CDON: variants seen among roughly 807,000 people sequenced by gnomAD.
CDON encodes cell adhesion molecule-related/down-regulated by oncogenes.
CDON carries 73 observed loss-of-function variants against 120.9 expected under a neutral mutation model. That is an observed-to-expected ratio of 0.60 (90% CI 0.50 to 0.73). The LOEUF (loss-of-function observed/expected upper bound fraction) is 0.73, where lower values mean the gene tolerates loss of function less well. Among genes scored for constraint, CDON ranks in the 30% least tolerant of loss-of-function variants. The pLI, the probability that CDON is intolerant of heterozygous loss-of-function variation, is 0.00. For missense variants in CDON, 1,470 were observed against 1,587.3 expected (o/e 0.93, Z 1.26); for synonymous variants, 566 against 573.5 (o/e 0.99, Z 0.19).
chr11:126,000,289 C>T (rs1403708839), intron 11 of CDON, among the ~76,000 whole-genome samples: 2 of 152,148 alleles, frequency 1.3e-5, no homozygotes, highest in Admixed American at 6.5e-5. Context: ...CTCACTGCAG[C>T]CTCAAATTCC....
intron 1 of CDON, among the ~76,000 whole-genome samples, chr11:126,043,921 T>C (rs1336249283): frequency 1.3e-5 from 2 of 152,236 alleles, no homozygotes; most frequent in African/African-American, 2.4e-5. Flanking sequence ...ATGGTGATAA[T>C]TTGATCCAGC....
intron 1 of CDON, among the ~76,000 whole-genome samples, chr11:126,027,948 TTC>T (rs1947837904): frequency 6.6e-6 from 1 of 150,582 alleles, no homozygotes; most frequent in Non-Finnish European, 1.5e-5. Context: ...TAGAATAGAA[TTC>T]TGACTTAAAT....
intron 1 of CDON, among the ~76,000 whole-genome samples, chr11:126,040,703 T>C (rs1948233651): frequency 6.7e-6 from 1 of 148,586 alleles, no homozygotes; most frequent in Admixed American, 6.8e-5. Context: ...TAGTCCCAGC[T>C]ACTTGGGAGG....
intron 10 of CDON, 75 bp downstream of exon 10, chr11:126,003,827 A>C: frequency 7.1e-7 from 1 of 1,406,120 alleles, no homozygotes; most frequent in Non-Finnish European, 1.0e-6. Context: ...CTCAAAAAAA[A>C]TAAATTAATA....
intron 7 of CDON, among the ~76,000 whole-genome samples, chr11:126,011,416 T>C (rs1309011383): frequency 6.6e-6 from 1 of 152,232 alleles, no homozygotes; most frequent in Non-Finnish European, 1.5e-5. Context: ...GATTTCTGGA[T>C]TTTTGCCAAG....
At chr11:126,018,307 C>G in intron 5 of CDON, 23 bp downstream of exon 5, 1 of 1,610,390 alleles carries the variant, frequency 6.2e-7, no homozygotes, top group Non-Finnish European at 8.5e-7. Context: ...CTTCCAGTTA[C>G]CATTATTCTC....
intron 15 of CDON, among the ~76,000 whole-genome samples, chr11:125,984,523 C>A (rs1203380137): frequency 1.3e-5 from 2 of 152,076 alleles, no homozygotes; most frequent in Non-Finnish European, 2.9e-5. Flanking sequence ...ACAGGGAAAC[C>A]CCGTGTCTAC....
chr11:125,985,557 A>T (rs990920452), intron 15 of CDON, among the ~76,000 whole-genome samples: 2 of 152,230 alleles, frequency 1.3e-5, no homozygotes, highest in Non-Finnish European at 2.9e-5. Flanking sequence ...AAATGAGTTA[A>T]GCCATGGAAA....
chr11:125,985,793 G>A (rs982053368), intron 15 of CDON, among the ~76,000 whole-genome samples: 8 of 151,750 alleles, frequency 5.3e-5, no homozygotes, highest in Non-Finnish European at 8.8e-5. Flanking sequence ...TTAGAATGGC[G>A]ATCATTAAAA....
chr11:126,046,610 G>GC (rs1207883082), intron 1 of CDON, among the ~76,000 whole-genome samples: 6 of 152,120 alleles, frequency 3.9e-5, no homozygotes, highest in African/African-American at 1.4e-4. Flanking sequence ...GGCGACGGTG[G>GC]CCCCCCTTGT....
chr11:125,972,777 A>G (rs543264890), intron 18 of CDON, among the ~76,000 whole-genome samples: 4 of 152,326 alleles, frequency 2.6e-5, no homozygotes, highest in East Asian at 3.9e-4. Context: ...GGCACAGAGC[A>G]GGTAAGAGTC....
chr11:125,982,839 T>C (rs1379961410), intron 16 of CDON, among the ~76,000 whole-genome samples: 1 of 152,128 alleles, frequency 6.6e-6, no homozygotes, highest in Non-Finnish European at 1.5e-5. Flanking sequence ...GAAAATCAAA[T>C]GATCACCATC....
intron 9 of CDON, 123 bp from the exon 10 acceptor site, chr11:126,004,199 C>T: frequency 1.1e-6 from 1 of 946,390 alleles, no homozygotes; most frequent in East Asian, 2.6e-5. Context: ...AGTAATACAG[C>T]ATGGTAAGTA....
intron 1 of CDON, among the ~76,000 whole-genome samples, chr11:126,055,617 T>C (rs1165806528): frequency 6.6e-6 from 1 of 152,186 alleles, no homozygotes; most frequent in Non-Finnish European, 1.5e-5. Context: ...TATTTATCTC[T>C]CTTGTAACTC....
intron 12 of CDON, 65 bp downstream of exon 12, chr11:125,997,142 A>C (rs1203035676): frequency 8.0e-6 from 10 of 1,250,950 alleles, no homozygotes; most frequent in Non-Finnish European, 8.1e-6. Context: ...CCTGTCTCAA[A>C]ATATATAAAT....
At chr11:126,028,707 AATTTATTTATTT>A (rs60571626) in intron 1 of CDON, among the ~76,000 whole-genome samples, 14 of 145,902 alleles carry the variant, frequency 9.6e-5, no homozygotes, top group East Asian at 4.0e-4. Context: ...AGCTGCGGAG[AATTTATTTATTT>A]ATTTATTTAT....
chr11:126,010,817 A>ATTAG (rs1230056382), intron 7 of CDON, 123 bp from the exon 8 acceptor site: 1 of 763,124 alleles, frequency 1.3e-6, no homozygotes, highest in Non-Finnish European at 2.3e-6. Context: ...CTACCTCCTT[A>ATTAG]TTAGTTCCCT....
intron 1 of CDON, among the ~76,000 whole-genome samples, chr11:126,026,216 TTCAC>T (rs1355020333): frequency 6.6e-6 from 1 of 152,246 alleles, no homozygotes; most frequent in African/African-American, 2.4e-5. Flanking sequence ...TGTTTATTCC[TTCAC>T]TCACTTATTC....
chr11:125,966,692 AAAT>A (rs1427710936), intron 18 of CDON, among the ~76,000 whole-genome samples: 2 of 152,202 alleles, frequency 1.3e-5, no homozygotes, highest in East Asian at 3.8e-4. Context: ...GGTAGAAGCA[AAAT>A]ACAAAGACAA....
Sources: gnomAD v4.1 joint callset for allele counts (sites outside exome capture counted in the v4.1 genomes callset) on GRCh38, gnomAD v4.1.1 for gene constraint, MANE v1.5 for transcripts, NCBI Gene and HGNC (gene_info 2026-07-23, HGNC 2026-07-21) for gene names.